GPC6: variants seen among roughly 807,000 people sequenced by gnomAD.
GPC6 encodes glypican-6.
GPC6 carries 14 observed loss-of-function variants against 55.2 expected under a neutral mutation model. That is an observed-to-expected ratio of 0.25 (90% CI 0.17 to 0.40). The LOEUF (loss-of-function observed/expected upper bound fraction) is 0.40, where lower values mean the gene tolerates loss of function less well. Ranked by LOEUF, GPC6 falls within the 10% of genes least tolerant of loss-of-function variation. The pLI is 1.00. For synonymous variants in GPC6, 278 were observed against 259.6 expected (o/e 1.07, Z -0.68); for missense variants, 641 against 708.5 (o/e 0.90, Z 1.08).
chr13:93,941,916 G>A (rs777109499), intron 3 of GPC6, among the ~76,000 whole-genome samples: 43 of 152,132 alleles, frequency 2.8e-4, no homozygotes, highest in Non-Finnish European at 5.0e-4. Flanking sequence ...GGTGCAAAAC[G>A]AGGATAATAT....
chr13:94,092,219 T>C (rs1885512410), intron 4 of GPC6, among the ~76,000 whole-genome samples: 1 of 151,924 alleles, frequency 6.6e-6, no homozygotes, highest in African/African-American at 2.4e-5. Flanking sequence ...ATCACTGTGC[T>C]CTATATTGTA....
At chr13:93,465,030 T>C (rs1444483189) in intron 1 of GPC6, among the ~76,000 whole-genome samples, 1 of 152,210 alleles carries the variant, frequency 6.6e-6, no homozygotes, top group Non-Finnish European at 1.5e-5. Context: ...TTGAAAAGAA[T>C]CTGTTGTTTT....
chr13:94,293,692 A>G (rs1347505842), intron 5 of GPC6, among the ~76,000 whole-genome samples: 1 of 152,164 alleles, frequency 6.6e-6, no homozygotes, highest in African/African-American at 2.4e-5. Flanking sequence ...TCATTTCCTT[A>G]TTATACAGGT....
intron 1 of GPC6, among the ~76,000 whole-genome samples, chr13:93,365,520 C>T (rs1351296926): frequency 6.6e-6 from 1 of 152,022 alleles, no homozygotes; most frequent in African/African-American, 2.4e-5. Flanking sequence ...GCTCCTAAAT[C>T]AATAAACTAG....
intron 2 of GPC6, among the ~76,000 whole-genome samples, chr13:93,775,828 CAG>C (rs1885448180): frequency 6.6e-6 from 1 of 151,240 alleles, no homozygotes; most frequent in Admixed American, 6.6e-5. Context: ...CCAATTTCAA[CAG>C]AGTTTTAAAG....
chr13:93,704,392 C>T (rs780295109), intron 2 of GPC6, among the ~76,000 whole-genome samples: 24 of 151,906 alleles, frequency 1.6e-4, no homozygotes, highest in Non-Finnish European at 2.9e-4. Flanking sequence ...AGAAGCATCA[C>T]GTTGTCATGA....
chr13:93,274,379 T>C (rs1483032105), intron 1 of GPC6, among the ~76,000 whole-genome samples: 1 of 152,112 alleles, frequency 6.6e-6, no homozygotes, highest in Non-Finnish European at 1.5e-5. Flanking sequence ...CCCCCTTAAG[T>C]GTCCTTTAAG....
chr13:93,432,989 G>A (rs75130471), intron 1 of GPC6, among the ~76,000 whole-genome samples: 31,634 of 151,332 alleles, frequency 0.21, 3,523 homozygotes, highest in Middle Eastern at 0.28. Context: ...AAAGAAGAGA[G>A]AAAAAGAAAG....
At chr13:93,761,364 C>T (rs1367665796) in intron 2 of GPC6, among the ~76,000 whole-genome samples, 1 of 152,144 alleles carries the variant, frequency 6.6e-6, no homozygotes, top group Non-Finnish European at 1.5e-5. Context: ...AGATTAGAAA[C>T]TAGCACATGG....
At chr13:93,711,643 A>G (rs1370012963) in intron 2 of GPC6, among the ~76,000 whole-genome samples, 1 of 151,228 alleles carries the variant, frequency 6.6e-6, no homozygotes, top group Non-Finnish European at 1.5e-5. Flanking sequence ...CTTGGACTCT[A>G]ATACACCTTT....
intron 6 of GPC6, among the ~76,000 whole-genome samples, chr13:94,381,635 T>G (rs1412579878): frequency 6.6e-6 from 1 of 152,212 alleles, no homozygotes; most frequent in Non-Finnish European, 1.5e-5. Flanking sequence ...AGGAAAAGAA[T>G]TCAATTCATA....
chr13:94,186,056 T>C (rs1166448053), intron 4 of GPC6, among the ~76,000 whole-genome samples: 1 of 112 alleles, frequency 8.9e-3, no homozygotes, highest in African/African-American at 0.036. Context: ...CGAGACTCCG[T>C]CTCCAAAAAA....
At chr13:93,945,482 G>T (rs1451313982) in intron 3 of GPC6, among the ~76,000 whole-genome samples, 2 of 152,202 alleles carry the variant, frequency 1.3e-5, no homozygotes, top group East Asian at 3.9e-4. Flanking sequence ...TTGTTGGCAA[G>T]GTGAAGCGCA....
At chr13:94,268,262 AT>A (rs1167532977) in intron 4 of GPC6, among the ~76,000 whole-genome samples, 3 of 152,230 alleles carry the variant, frequency 2.0e-5, no homozygotes, top group African/African-American at 7.2e-5. Flanking sequence ...TACATGCAGC[AT>A]TTAAAAGACA....
At chr13:93,585,864 A>G (rs963142967) in intron 2 of GPC6, among the ~76,000 whole-genome samples, 1 of 152,226 alleles carries the variant, frequency 6.6e-6, no homozygotes, top group African/African-American at 2.4e-5. Context: ...ATAGGAAAAT[A>G]AGGAATTTCT....
At chr13:94,294,472 A>T (rs1293847539) in intron 5 of GPC6, among the ~76,000 whole-genome samples, 1 of 151,644 alleles carries the variant, frequency 6.6e-6, no homozygotes, top group Non-Finnish European at 1.5e-5. Flanking sequence ...AGAGAACAGA[A>T]CAGAGAATGT....
intron 4 of GPC6, among the ~76,000 whole-genome samples, chr13:94,076,499 C>G (rs1271005781): frequency 6.6e-6 from 1 of 151,838 alleles, no homozygotes; most frequent in Non-Finnish European, 1.5e-5. Context: ...TAGTTCCACT[C>G]CATTTTTGCT....
At chr13:93,851,172 G>C (rs1888380841) in intron 3 of GPC6, among the ~76,000 whole-genome samples, 1 of 151,938 alleles carries the variant, frequency 6.6e-6, no homozygotes, top group Non-Finnish European at 1.5e-5. Flanking sequence ...CTGGATACCT[G>C]TATGCCTAAT....
At chr13:93,848,268 G>A (rs1331487628) in intron 3 of GPC6, among the ~76,000 whole-genome samples, 1 of 151,946 alleles carries the variant, frequency 6.6e-6, no homozygotes, top group African/African-American at 2.4e-5. Context: ...CTTTCTCTTG[G>A]GTACTCAGAA....
Sources: gnomAD v4.1 joint callset for allele counts (sites outside exome capture counted in the v4.1 genomes callset) on GRCh38, gnomAD v4.1.1 for gene constraint, MANE v1.5 for transcripts, NCBI Gene and HGNC (gene_info 2026-07-23, HGNC 2026-07-21) for gene names.